Variants in ITGB5 observed in about 807,000 individuals in gnomAD.
The protein encoded by ITGB5 is integrin beta-5.
A neutral mutation model predicts 84.8 loss-of-function variants in ITGB5; 38 were observed. The ratio of observed to expected loss-of-function variants is 0.45; its 90% CI spans 0.35 to 0.59. The LOEUF (loss-of-function observed/expected upper bound fraction) is 0.59, where lower values mean the gene tolerates loss of function less well. ITGB5 is among the 20% of genes least tolerant of loss of function. ITGB5 has a pLI of 0.01. For synonymous variants in ITGB5, 393 were observed against 414.4 expected, an observed-to-expected ratio of 0.95 and a Z score of 0.63; for missense variants, 905 against 1,034.5, an observed-to-expected ratio of 0.87 and a Z score of 1.72.
intron 5 of ITGB5, among the ~76,000 whole-genome samples, chr3:124,833,493 C>T (rs2064887029): frequency 6.6e-6 from 1 of 152,194 alleles, no homozygotes; most frequent in South Asian, 2.1e-4. Context: ...CTTTAATTTT[C>T]TCCACCATAC....
At chr3:124,860,197 T>C (rs2065276782) in intron 2 of ITGB5, among the ~76,000 whole-genome samples, 1 of 152,170 alleles carries the variant, frequency 6.6e-6, no homozygotes, top group South Asian at 2.1e-4. Flanking sequence ...CAGTATTACT[T>C]ATAATATAAT....
intron 10 of ITGB5, among the ~76,000 whole-genome samples, chr3:124,777,697 G>T (rs975679687): frequency 6.6e-6 from 1 of 152,222 alleles, no homozygotes; most frequent in African/African-American, 2.4e-5. Flanking sequence ...TCTACCAAGT[G>T]GTGGGAGCTG....
intron 5 of ITGB5, among the ~76,000 whole-genome samples, chr3:124,828,897 A>G (rs1354657209): frequency 6.6e-6 from 1 of 152,356 alleles, no homozygotes; most frequent in Admixed American, 6.5e-5. Context: ...TTGTGATCTT[A>G]GACAACTTAC....
chr3:124,818,768 G>A (rs1323500379), intron 7 of ITGB5, among the ~76,000 whole-genome samples: 2 of 152,112 alleles, frequency 1.3e-5, no homozygotes, highest in Admixed American at 6.6e-5. Flanking sequence ...TTGAACTAAA[G>A]GAGGATAAAG....
At chr3:124,834,023 C>T (rs959847031) in intron 5 of ITGB5, among the ~76,000 whole-genome samples, 34 of 152,140 alleles carry the variant, frequency 2.2e-4, no homozygotes, top group Admixed American at 9.2e-4. Context: ...ATCTGAAACA[C>T]AAACAGGCAC....
upstream of ITGB5, among the ~76,000 whole-genome samples, chr3:124,889,858 A>G (rs577813171): frequency 1.3e-3 from 200 of 152,292 alleles, no homozygotes; most frequent in South Asian, 2.1e-3. Flanking sequence ...TTAAAAATAC[A>G]AAAATTAGCT....
chr3:124,860,693 C>T (rs1157878259), intron 2 of ITGB5, among the ~76,000 whole-genome samples: 1 of 152,220 alleles, frequency 6.6e-6, no homozygotes, highest in African/African-American at 2.4e-5. Flanking sequence ...CAATGCTGTC[C>T]TATGAGTCTT....
chr3:124,805,054 TCCCTG>T (rs200043507), intron 9 of ITGB5, among the ~76,000 whole-genome samples: 253 of 124,480 alleles, frequency 2.0e-3, no homozygotes, highest in African/African-American at 6.2e-3. Flanking sequence ...CTGCCCTCCC[TCCCTG>T]CCCTGCCCTG....
intron 1 of ITGB5, among the ~76,000 whole-genome samples, chr3:124,897,577 T>G (rs1935129111): frequency 6.6e-6 from 1 of 152,160 alleles, no homozygotes; most frequent in Non-Finnish European, 1.5e-5. Flanking sequence ...ATCCCAGCAC[T>G]TGGGAGGCCG....
Position 124,796,473 on chromosome 3 carries a change from G to C in ITGB5, c.1608C>G (p.Phe536Leu). Residue 536 changes from phenylalanine to leucine, a missense_variant, in exon 10 of 15, where the codon TTC (phenylalanine) becomes TTG (leucine). By Grantham distance (22) the Phe-to-Leu change is conservative (BLOSUM62 0). Around this residue, in one of 3 missense-constraint regions of ITGB5, gnomAD observed 656 missense variants for 734.7 expected, o/e 0.89. Transcript: ENST00000296181. ...GDCSCNQCSC[F>L]ESEFGKIYGP... is the part of the protein sequence containing the mutation. Reference sequence around the variant, plus strand: ...CATAGATCTTGCCAAACTCGCTCTCGAAGCAGGAGCACTGGTTGCAGCTGC... The same window carrying C: ...CATAGATCTTGCCAAACTCGCTCTCCAAGCAGGAGCACTGGTTGCAGCTGC... The C allele has an allele frequency of 3.7e-6, 6 of 1,614,114 alleles. No homozygotes were observed. The highest frequency in any genetic ancestry group is 5.1e-6 in the Non-Finnish European group (6 of 1,180,024).
chr3:124,863,543 G>A (rs2065336427), intron 2 of ITGB5, among the ~76,000 whole-genome samples: 1 of 152,070 alleles, frequency 6.6e-6, no homozygotes. Context: ...TTTTGAGACG[G>A]AGTCTCACTC....
intron 8 of ITGB5, 44 bp downstream of exon 8, chr3:124,817,577 G>T (rs1375450041): frequency 9.3e-7 from 1 of 1,069,930 alleles, no homozygotes. Flanking sequence ...CAGTGGGAGA[G>T]GGTGGAAGGG....
chr3:124,792,337 A>G (rs1312284072), intron 10 of ITGB5: 1 of 152,236 alleles, frequency 6.6e-6, no homozygotes, highest in African/African-American at 2.4e-5. Context: ...ATCTCTTAAA[A>G]TAAGAGTGAT....
intron 1 of ITGB5, among the ~76,000 whole-genome samples, chr3:124,894,134 C>CTTTTTTTTTTTTTTTTTTTT (rs748784158): frequency 2.9e-5 from 3 of 104,354 alleles, no homozygotes; most frequent in African/African-American, 7.4e-5. Context: ...TGATATTTTT[C>CTTTTTTTTTTTTTTTTTTTT]TTTTTTTTTT....
rs767500039 is a variant in ITGB5, at chr3:124,841,392, G to A, written c.771C>T (p.Ala257=). ...EGGFDAVLQA[A]VCKEKIGWRK... is the part of the protein sequence containing the mutation. ...CAGAAAGGAAAGTTACCTTGCAGAC[G>A]GCTGCCTGGAGTACTGCATCAAAGC... is the stretch of plus-strand genomic sequence containing the variant. Residue 257 remains alanine, a synonymous_variant, in exon 5 of 15, where the codon GCC becomes GCT. Transcript: ENST00000296181. The A allele has an allele frequency of 1.2e-5, 19 of 1,613,658 alleles. No individual in the cohort carries two copies. Among genetic ancestry groups the A allele is most frequent in the Admixed American group, 3.3e-5 (2 of 59,936 alleles).
At chr3:124,774,558 A>G (rs889535897) in intron 10 of ITGB5, among the ~76,000 whole-genome samples, 2 of 152,188 alleles carry the variant, frequency 1.3e-5, no homozygotes, top group Non-Finnish European at 2.9e-5. Flanking sequence ...GAGGGAATGC[A>G]GCCCTGCCGA....
At chr3:124,897,057 C>T (rs982530832) in intron 1 of ITGB5, among the ~76,000 whole-genome samples, 1 of 152,160 alleles carries the variant, frequency 6.6e-6, no homozygotes, top group Non-Finnish European at 1.5e-5. Context: ...CCTACTCCCA[C>T]CCTCACAGAC....
chr3:124,869,080 C>T (rs1458047378), intron 2 of ITGB5, among the ~76,000 whole-genome samples: 1 of 152,118 alleles, frequency 6.6e-6, no homozygotes, highest in African/African-American at 2.4e-5. Flanking sequence ...GGATCTGGAG[C>T]AGGAGAATCC....
intron 8 of ITGB5, among the ~76,000 whole-genome samples, chr3:124,816,983 C>G (rs1310767714): frequency 1.3e-5 from 2 of 152,126 alleles, no homozygotes; most frequent in Non-Finnish European, 2.9e-5. Context: ...CTTTGGGAAG[C>G]TGAGGTGGGA....
Sources: gnomAD v4.1 joint callset for allele counts (sites outside exome capture counted in the v4.1 genomes callset) on GRCh38, gnomAD v4.1.1 for gene constraint, gnomAD v4.1.1 regional missense constraint, MANE v1.5 for transcripts, NCBI Gene and HGNC (gene_info 2026-07-23, HGNC 2026-07-21) for gene names.